CDH4: variants seen among roughly 807,000 people sequenced by gnomAD.
CDH4 encodes cadherin-4.
CDH4 carries 33 observed loss-of-function variants against 86.0 expected under a neutral mutation model. The ratio of observed to expected loss-of-function variants is 0.38; its 90% confidence interval spans 0.29 to 0.51. The LOEUF is 0.51. CDH4 is among the 20% of genes least tolerant of loss of function. The pLI, the probability that CDH4 is intolerant of heterozygous loss-of-function variation, is 0.86. For synonymous variants in CDH4, 555 were observed against 549.4 expected (o/e 1.01, Z -0.14); for missense variants, 1,114 against 1,307.4 (o/e 0.85, Z 2.28).
At chr20:61,924,215 A>C (rs1476388827) in intron 10 of CDH4, 119 bp from the exon 11 acceptor site, 13 of 1,024,722 alleles carry the variant, frequency 1.3e-5, no homozygotes, top group Admixed American at 1.2e-4. Flanking sequence ...GGGGGCTCCA[A>C]GGAGACAGAG....
chr20:61,851,535 C>A (rs536195243), intron 5 of CDH4, among the ~76,000 whole-genome samples: 1 of 152,212 alleles, frequency 6.6e-6, no homozygotes, highest in South Asian at 2.1e-4. Flanking sequence ...CCACCCTGGG[C>A]TGGGTGATGT....
chr20:61,422,887 T>C (rs1193785390), intron 2 of CDH4, among the ~76,000 whole-genome samples: 3 of 152,120 alleles, frequency 2.0e-5, no homozygotes, highest in Non-Finnish European at 4.4e-5. Context: ...AGCCCCGCCC[T>C]CTTGTCAGGT....
chr20:61,693,884 C>CTT (rs11479778), intron 2 of CDH4, among the ~76,000 whole-genome samples: 2,180 of 82,722 alleles, frequency 0.026, 166 homozygotes, highest in Non-Finnish European at 0.036. Context: ...CTCTTTCTTT[C>CTT]TTTTTTTTTT....
chr20:61,613,504 C>A (rs1037264862), intron 2 of CDH4, among the ~76,000 whole-genome samples: 7 of 151,518 alleles, frequency 4.6e-5, no homozygotes, highest in Admixed American at 4.6e-4. Flanking sequence ...CTATCACCTC[C>A]ACAGTGGTGT....
chr20:61,479,957 G>C (rs7263229), intron 2 of CDH4, among the ~76,000 whole-genome samples: 6,945 of 152,206 alleles, frequency 0.046, 543 homozygotes, highest in African/African-American at 0.16. Context: ...TTCTTCTGCA[G>C]TGTCCCATCT....
chr20:61,600,099 G>C, intron 2 of CDH4: 1 of 307,708 alleles, frequency 3.2e-6, no homozygotes, highest in Non-Finnish European at 4.8e-6. Context: ...AAACCAGCTG[G>C]CTCCTCGGAT....
intron 2 of CDH4, among the ~76,000 whole-genome samples, chr20:61,526,556 G>A (rs1367894803): frequency 6.6e-6 from 1 of 150,834 alleles, no homozygotes; most frequent in African/African-American, 2.4e-5. Context: ...GTGCAGGTTA[G>A]TTACATATGT....
intron 7 of CDH4, among the ~76,000 whole-genome samples, chr20:61,884,821 G>T (rs1349343470): frequency 6.6e-6 from 1 of 152,178 alleles, no homozygotes; most frequent in African/African-American, 2.4e-5. Flanking sequence ...AGGAAGGAGA[G>T]AGCCCTGGGG....
chr20:61,917,748 G>A (rs1468206581), intron 9 of CDH4, among the ~76,000 whole-genome samples: 1 of 152,276 alleles, frequency 6.6e-6, no homozygotes, highest in African/African-American at 2.4e-5. Flanking sequence ...CGGCAGCCAT[G>A]CTGAGCCTCA....
At chr20:61,910,235 G>A in intron 8 of CDH4, among the ~76,000 whole-genome samples, 187 bp from the exon 9 acceptor site, 1 of 151,598 alleles carries the variant, frequency 6.6e-6, no homozygotes, top group East Asian at 1.9e-4. Flanking sequence ...GACACGTTGT[G>A]TTCTGTTTGT....
chr20:61,631,338 G>T (rs2086886361), intron 2 of CDH4, among the ~76,000 whole-genome samples: 1 of 152,198 alleles, frequency 6.6e-6, no homozygotes, highest in Admixed American at 6.5e-5. Context: ...GGGCTTGGTT[G>T]CTTTGTTTAA....
At chr20:61,357,581 G>A (rs1322123859) in intron 2 of CDH4, among the ~76,000 whole-genome samples, 1 of 152,180 alleles carries the variant, frequency 6.6e-6, no homozygotes, top group African/African-American at 2.4e-5. Flanking sequence ...GGACCAGACA[G>A]CCCCCAGGGG....
rs939918097 is a variant in CDH4 at position 61,807,430 on chromosome 20, G to A, written c.576+34248G>A. Among the ~76,000 whole-genome samples the A allele has an allele frequency of 5.3e-5, 8 of 152,160 alleles. No homozygotes were observed. The highest frequency in any genetic ancestry group is 8.8e-5 in the Non-Finnish European group (6 of 68,032). ...CAGGGTGTCTGGGTACCTAAATGTC[G>A]GAATTTGAGGCTATTCAAGTTCAAT... On this transcript the variant is annotated intron_variant, in intron 4 of 15. Transcript: ENST00000614565. This position sits in a 1 kb window ranked among gnomAD's most constrained non-coding sequence, Gnocchi z 4.5.
Position 61,510,829 on chromosome 20 carries a change from C to A in CDH4, c.170-232734C>A, listed in dbSNP as rs375228841. ...TTGGCTCAAGGTTCTGCAGACTTTGCAGGATGCCTGGTGCCAGCATCTGCT... is the reference window on the plus strand; with the variant it reads ...TTGGCTCAAGGTTCTGCAGACTTTGAAGGATGCCTGGTGCCAGCATCTGCT... On this transcript the variant is annotated intron_variant, in intron 2 of 15. Transcript: ENST00000614565. This position sits in a 1 kb window ranked among gnomAD's most constrained non-coding sequence, Gnocchi z 4.2. Among the ~76,000 whole-genome samples, 1 of 151,132 alleles carries A rather than the reference C, an allele frequency of 6.6e-6. No individual in the cohort carries two copies. The highest frequency in any genetic ancestry group is 2.1e-4 in the South Asian group (1 of 4,808).
At chr20:61,463,901 G>C (rs776216890) in intron 2 of CDH4, among the ~76,000 whole-genome samples, 1 of 152,168 alleles carries the variant, frequency 6.6e-6, no homozygotes, top group Non-Finnish European at 1.5e-5. Context: ...TGGTCAGGAA[G>C]AAACCTATCA....
At chr20:61,397,696 A>G (rs779294811) in intron 2 of CDH4, among the ~76,000 whole-genome samples, 2 of 152,190 alleles carry the variant, frequency 1.3e-5, no homozygotes, top group Non-Finnish European at 2.9e-5. Context: ...TTTTGTTAGA[A>G]AAAGAATTCC....
At chr20:61,557,139 CG>C (rs1466924455) in intron 2 of CDH4, among the ~76,000 whole-genome samples, 1 of 152,058 alleles carries the variant, frequency 6.6e-6, no homozygotes, top group Non-Finnish European at 1.5e-5. Context: ...CTAAAAAGGT[CG>C]GGATTGATGC....
chr20:61,268,526 G>A (rs191960290), intron 2 of CDH4, among the ~76,000 whole-genome samples: 1 of 152,340 alleles, frequency 6.6e-6, no homozygotes, highest in East Asian at 1.9e-4. Flanking sequence ...GCTATGGTTT[G>A]AGTATTTGTC....
intron 2 of CDH4, among the ~76,000 whole-genome samples, chr20:61,507,993 C>A (rs2085753476): frequency 6.6e-6 from 1 of 152,246 alleles, no homozygotes; most frequent in Non-Finnish European, 1.5e-5. Context: ...GAAGACGTCG[C>A]TGTCAGGATG....
Sources: allele counts gnomAD v4.1 joint callset (sites outside exome capture counted in the v4.1 genomes callset), GRCh38; gene constraint gnomAD v4.1.1; non-coding constraint Gnocchi (gnomAD v3.1); transcripts MANE v1.5; gene names NCBI Gene and HGNC (gene_info 2026-07-23, HGNC 2026-07-21).